The following CACNA2D4 variants were observed in gnomAD, a reference collection of about 807,000 sequenced individuals.
CACNA2D4 encodes voltage-dependent calcium channel subunit alpha-2/delta-4.
CACNA2D4 carries 157 observed loss-of-function variants against 163.8 expected under a neutral mutation model. The observed-to-expected ratio is 0.96, with a 90% CI of 0.84 to 1.09. The LOEUF is 1.09. CACNA2D4 is among the 50% of genes least tolerant of loss of function. The pLI is 0.00. For missense variants in CACNA2D4, 1,410 were observed against 1,479.9 expected, an observed-to-expected ratio of 0.95 and a Z score of 0.78; for synonymous variants, 598 against 586.9, an observed-to-expected ratio of 1.02 and a Z score of -0.27.
intron 2 of CACNA2D4, among the ~76,000 whole-genome samples, chr12:1,914,032 C>T (rs1866899009): frequency 6.6e-6 from 1 of 152,238 alleles, no homozygotes; most frequent in South Asian, 2.1e-4. Context: ...CTACAGTGGC[C>T]TGTGGGGGCC....
At chr12:1,914,201 T>C (rs1238587675) in intron 2 of CACNA2D4, among the ~76,000 whole-genome samples, 1 of 152,114 alleles carries the variant, frequency 6.6e-6, no homozygotes, top group Non-Finnish European at 1.5e-5. Context: ...GAATTGGTGG[T>C]GGGAATGAAA....
intron 18 of CACNA2D4, among the ~76,000 whole-genome samples, chr12:1,864,022 G>A (rs778797442): frequency 5.9e-5 from 9 of 152,382 alleles, no homozygotes; most frequent in Non-Finnish European, 1.3e-4. Context: ...GCCGCCAGCC[G>A]TGAGTGGCCG....
At position 1,828,957 on chromosome 12, in the gene CACNA2D4, C is replaced by T. The variant is rs972300166; in HGVS notation, c.2551+11782G>A. On this transcript the variant is annotated intron_variant, in intron 26 of 37. Coordinates refer to ENST00000382722, the MANE Select transcript of CACNA2D4 (RefSeq NM_172364.5). This position sits in a 1 kb window ranked among gnomAD's most constrained non-coding sequence, Gnocchi z 4.2. The stretch of plus-strand genomic sequence containing the variant: ...AGGCTACACGGTGGCAGGGAGGAAA[C>T]GGTCCCGCGGGACGGCATTCCGCCT... 3.3e-5 allele frequency among the ~76,000 whole-genome samples: 5 copies of T among 152,188 alleles called. No homozygotes were observed. Among genetic ancestry groups the T allele is most frequent in the African/African-American group, 7.2e-5 (3 of 41,450 alleles).
rs11486304 is a variant in CACNA2D4 at position 1,895,822 on chromosome 12, G to T, written c.782-8753C>A. ...TGGTTACATTTTAAAATTTTTTGTA[G>T]AGATAGGGGTCTCACTATGCTGCTC... On this transcript the variant is annotated intron_variant, in intron 6 of 37. Transcript: ENST00000382722. Among the ~76,000 whole-genome samples the T allele has an allele frequency of 5.2e-3, 792 of 151,952 alleles. 7 individuals carry two copies. Among genetic ancestry groups the T allele is most frequent in the African/African-American group, 0.019 (771 of 41,446 alleles).
At chr12:1,841,610 CA>C (rs1172416699) in intron 25 of CACNA2D4, among the ~76,000 whole-genome samples, 4 of 152,236 alleles carry the variant, frequency 2.6e-5, no homozygotes, top group Non-Finnish European at 4.4e-5. Context: ...ACTTGAATTT[CA>C]AAGCACTCTT....
rs948189313 is a variant in CACNA2D4, at chr12:1,846,508, C to T, written c.2342+86G>A. On this transcript the variant is annotated intron_variant, in intron 24 of 37. Coordinates refer to ENST00000382722, the MANE Select transcript of CACNA2D4 (RefSeq NM_172364.5). ...GCATGCTGGAGACCCGGTGCCAGTC[C>T]ACCCATGGCCCAGGAACACACCATG... The T allele has an allele frequency of 5.5e-6, 6 of 1,098,926 alleles. No homozygotes were observed. In the African/African-American group the frequency reaches 9.3e-5, roughly 17 times the overall value. 68.1% of individuals were successfully genotyped at this position (1,098,926 alleles called of 1,614,324 possible).
At chr12:1,816,849 GAC>G (rs1863892806) in intron 26 of CACNA2D4, among the ~76,000 whole-genome samples, 1 of 152,048 alleles carries the variant, frequency 6.6e-6, no homozygotes, top group African/African-American at 2.4e-5. Context: ...CGCACACATG[GAC>G]ACACAGGCAT....
At chr12:1,864,215 A>G (rs1264580583) in intron 18 of CACNA2D4, among the ~76,000 whole-genome samples, 1 of 152,176 alleles carries the variant, frequency 6.6e-6, no homozygotes, top group African/African-American at 2.4e-5. Context: ...AAGGCCGGAG[A>G]CTCTCCCTTT....
rs769247588 is a variant in CACNA2D4, at chr12:1,793,695, G to C, written c.3374C>G (p.Pro1125Arg). Residue 1125 changes from proline to arginine, a missense_variant, in exon 38 of 38, where the codon CCT (proline) becomes CGT (arginine). Physicochemically the swap from Pro to Arg is moderately radical, Grantham distance 103 (BLOSUM62 -2). Coordinates refer to ENST00000382722, the MANE Select transcript of CACNA2D4 (RefSeq NM_172364.5). ...TSASPPLLLL[P>R]VCAWGLLPQL... is the part of the protein sequence containing the mutation. ...GGGCAGTAGCCCCCAGGCACACACA[G>C]GCAGCAGGAGTAGGGGCGGCGAGGC... 4.3e-6 allele frequency: 7 copies of C among 1,613,812 alleles called. No homozygotes were observed. Among genetic ancestry groups the C allele is most frequent in the South Asian group, 3.3e-5 (3 of 91,090 alleles).
intron 19 of CACNA2D4, among the ~76,000 whole-genome samples, chr12:1,859,511 C>T (rs1865476574): frequency 2.0e-5 from 3 of 152,190 alleles, no homozygotes; most frequent in Admixed American, 6.5e-5. Flanking sequence ...TGCCTAATAC[C>T]TAGAGCCAAA....
rs866723313 is a variant in CACNA2D4 at position 1,800,028 on chromosome 12, C to A, written c.2946G>T (p.Trp982Cys). Residue 982 changes from tryptophan to cysteine, a missense_variant, in exon 33 of 38, where the codon TGG (tryptophan) becomes TGT (cysteine). Transcript: ENST00000382722. ...CGGCCCCTCTGTCGTACCAGGAGCC[C>A]CAGACACTCCACTCCAGCAGGAACC... ...LVLFLLEWSV[W>C]GSWYDRGAEA... 2 of 1,604,566 alleles carry A rather than the reference C, an allele frequency of 1.2e-6. No homozygotes were observed. Among genetic ancestry groups the A allele is most frequent in the South Asian group, 1.1e-5 (1 of 89,014 alleles).
intron 31 of CACNA2D4, 22 bp from the exon 32 acceptor site, chr12:1,800,460 C>T (rs766739180): frequency 4.3e-6 from 7 of 1,613,398 alleles, no homozygotes; most frequent in Non-Finnish European, 5.9e-6. Context: ...AGAGTGCACA[C>T]CGCTCGCACC....
In CACNA2D4 at chr12:1,918,390, G is replaced by T; in HGVS notation, c.84C>A (p.Pro28=). Residue 28 remains proline (P), a synonymous_variant, in exon 1 of 38, where the codon CCC becomes CCA. Transcript: ENST00000382722. Reference sequence around the variant, plus strand: ...GGGGAATCCAGCGGCTGCTGGAGCTGGGGTTTGCGAGGAAGTTGGGAGTTG... The same window carrying T: ...GGGGAATCCAGCGGCTGCTGGAGCTTGGGTTTGCGAGGAAGTTGGGAGTTG... The part of the protein sequence containing the change: ...MPATPNFLAN[P]SSSSRWIPLQ... The T allele has an allele frequency of 6.2e-7, 1 of 1,601,262 alleles. No individual in the cohort carries two copies. The highest frequency in any genetic ancestry group is 1.7e-5 in the Admixed American group (1 of 57,746).
At position 1,908,958 on chromosome 12, in the gene CACNA2D4, T is replaced by A. The variant is rs8181681; in HGVS notation, c.487-921A>T. Among the ~76,000 whole-genome samples the A allele has an allele frequency of 1.4e-5, 2 of 146,928 alleles. 1 individual carries two copies. Among genetic ancestry groups the A allele is most frequent in the South Asian group, 4.4e-4 (2 of 4,554 alleles). ...CACCCGGCTCCTCCTCACGACACTG[T>A]GGCCCGCGCTGGCCTTCCACGCATA... On this transcript the variant is annotated intron_variant, in intron 4 of 37. Transcript: ENST00000382722.
intron 26 of CACNA2D4, among the ~76,000 whole-genome samples, chr12:1,822,736 G>A (rs1375972288): frequency 1.3e-5 from 2 of 152,236 alleles, no homozygotes; most frequent in African/African-American, 4.8e-5. Context: ...GTTCCTTGCT[G>A]CCTGGGCAGT....
At chr12:1,909,218 G>A (rs1428618711) in intron 4 of CACNA2D4, among the ~76,000 whole-genome samples, 2 of 152,212 alleles carry the variant, frequency 1.3e-5, no homozygotes, top group African/African-American at 4.8e-5. Flanking sequence ...TTGAGACGGA[G>A]TCTCGCTCTG....
At chr12:1,861,464 T>C (rs1340330242) in intron 18 of CACNA2D4, among the ~76,000 whole-genome samples, 2 of 151,250 alleles carry the variant, frequency 1.3e-5, no homozygotes, top group Non-Finnish European at 2.9e-5. Context: ...TTTTTTGAGA[T>C]GGAGTCTCCC....
chr12:1,809,382 C>T, intron 29 of CACNA2D4: 1 of 618,340 alleles, frequency 1.6e-6, no homozygotes, highest in East Asian at 2.7e-5. Context: ...ATGGAAGTCG[C>T]TTGCCCACAT....
chr12:1,913,073 A>G lies in CACNA2D4; in HGVS notation c.376T>C (p.Phe126Leu), dbSNP rs768608103. ...EVDGLELVRKFSEDMENMLRR... is the reference protein window; with the variant it reads ...EVDGLELVRKLSEDMENMLRR... Reference sequence around the variant, plus strand: ...AGCATGTTCTCCATGTCCTCTGAGAACTTCCTCACCAGCTCCAAGCCATCC... The same window carrying G: ...AGCATGTTCTCCATGTCCTCTGAGAGCTTCCTCACCAGCTCCAAGCCATCC... The change falls in exon 3 of 38, where the codon TTC becomes CTC. Residue 126 changes from phenylalanine to leucine, a missense_variant. By Grantham distance (22) the Phe-to-Leu change is conservative. Transcript: ENST00000382722. 14 of 1,613,854 alleles carry G rather than the reference A, an allele frequency of 8.7e-6. No homozygotes were observed. In the South Asian group the frequency reaches 1.4e-4, roughly 16 times the overall value.
Sources: gnomAD v4.1 joint callset for allele counts (sites outside exome capture counted in the v4.1 genomes callset) on GRCh38, gnomAD v4.1.1 for gene constraint, Gnocchi (gnomAD v3.1) non-coding constraint, MANE v1.5 for transcripts, NCBI Gene and HGNC (gene_info 2026-07-23, HGNC 2026-07-21) for gene names.